The following REEP1 variants were observed in gnomAD, a reference collection of about 807,000 sequenced individuals.
REEP1 encodes receptor expression-enhancing protein 1.
In REEP1, 22 loss-of-function variants were observed where a neutral mutation model predicts 40.3. That is an observed-to-expected ratio of 0.55 (90% CI 0.39 to 0.78). The LOEUF (loss-of-function observed/expected upper bound fraction) is 0.78, where lower values mean the gene tolerates loss of function less well. Among genes scored for constraint, REEP1 ranks in the 30% least tolerant of loss-of-function variants. The pLI is 0.00. For synonymous variants in REEP1, 116 were observed against 139.2 expected, an observed-to-expected ratio of 0.83 and a Z score of 1.17; for missense variants, 280 against 361.1, an observed-to-expected ratio of 0.78 and a Z score of 1.82.
At chr2:86,229,302 G>T (rs371763135) in intron 6 of REEP1, among the ~76,000 whole-genome samples, 3 of 152,222 alleles carry the variant, frequency 2.0e-5, no homozygotes, top group African/African-American at 7.2e-5. Context: ...GAAGGAGCAT[G>T]CCTTGCTGTG....
chr2:86,271,035 T>C (rs967701750), intron 2 of REEP1, among the ~76,000 whole-genome samples: 16 of 151,458 alleles, frequency 1.1e-4, no homozygotes, highest in South Asian at 2.1e-4. Context: ...CTACTAAAAA[T>C]ATAATAATTA....
chr2:86,249,047 T>A (rs1170021873), intron 5 of REEP1, among the ~76,000 whole-genome samples: 1 of 152,044 alleles, frequency 6.6e-6, no homozygotes, highest in Non-Finnish European at 1.5e-5. Context: ...TCACCTGAGG[T>A]CAGGAGTTCA....
chr2:86,267,920 G>A lies in REEP1; in HGVS notation c.106-3879C>T, dbSNP rs1246011263. Among the ~76,000 whole-genome samples the A allele has an allele frequency of 2.7e-5, 4 of 149,362 alleles. No homozygotes were observed. In the East Asian group the frequency reaches 5.9e-4, roughly 22 times the overall value. The stretch of plus-strand genomic sequence containing the variant: ...ATAGTCTATTTAAGAAACTGAATCA[G>A]TAATGAAAAAAATCCAACACTCATT... On this transcript the variant is annotated intron_variant, in intron 2 of 8. Transcript: ENST00000538924.
chr2:86,236,953 C>A (rs748826502), intron 5 of REEP1, among the ~76,000 whole-genome samples: 1 of 152,186 alleles, frequency 6.6e-6, no homozygotes, highest in Admixed American at 6.5e-5. Flanking sequence ...CCAGGATGGT[C>A]TCGATCTCCT....
At chr2:86,331,425 T>C (rs915629959) in intron 1 of REEP1, among the ~76,000 whole-genome samples, 1 of 151,074 alleles carries the variant, frequency 6.6e-6, no homozygotes, top group Non-Finnish European at 1.5e-5. Context: ...CAAAGTACTA[T>C]CCAGAGTCCC....
Position 86,263,996 on chromosome 2 carries a change from C to T in REEP1, c.151G>A (p.Ala51Thr). The change falls in exon 3 of 9, where the codon GCA becomes ACA. Residue 51 changes from alanine (A) to threonine (T), a missense_variant. Transcript: ENST00000538924. ...YWIIFALFTT[A>T]ETFTDIFLCW... Reference sequence around the variant, plus strand: ...AGGAAGATGTCTGTGAATGTCTCTGCTGTGGTGAAAAGTGCAAATATAATC... The same window carrying T: ...AGGAAGATGTCTGTGAATGTCTCTGTTGTGGTGAAAAGTGCAAATATAATC... 1 of 1,613,650 alleles carries T rather than the reference C, an allele frequency of 6.2e-7. No homozygotes were observed. Among genetic ancestry groups the T allele is most frequent in the Non-Finnish European group, 8.5e-7 (1 of 1,179,564 alleles).
intron 2 of REEP1, among the ~76,000 whole-genome samples, chr2:86,273,899 T>C (rs1677600544): frequency 1.3e-5 from 2 of 152,168 alleles, no homozygotes. Flanking sequence ...GGAGACCAGT[T>C]CTCCTTATAC....
intron 5 of REEP1, among the ~76,000 whole-genome samples, chr2:86,234,783 C>T (rs1675218809): frequency 1.3e-5 from 2 of 152,212 alleles, no homozygotes; most frequent in Non-Finnish European, 2.9e-5. Flanking sequence ...CAAGGTCTCA[C>T]GTCCTTGGCA....
chr2:86,257,968 T>C (rs1216201953), intron 3 of REEP1, among the ~76,000 whole-genome samples: 1 of 152,144 alleles, frequency 6.6e-6, no homozygotes, highest in Non-Finnish European at 1.5e-5. Flanking sequence ...GAGCACCGGC[T>C]CAGGCCCCCA....
intron 1 of REEP1, among the ~76,000 whole-genome samples, chr2:86,290,591 T>C (rs1009311336): frequency 1.3e-5 from 2 of 152,132 alleles, no homozygotes; most frequent in African/African-American, 4.8e-5. Context: ...TGTCAGAAGG[T>C]CCATGTGTGG....
intron 5 of REEP1, 143 bp downstream of exon 5, chr2:86,251,814 T>G: frequency 1.3e-6 from 1 of 747,184 alleles, no homozygotes; most frequent in Non-Finnish European, 2.4e-6. Flanking sequence ...AGCATTTTTT[T>G]CCATCAGATT....
At chr2:86,287,447 TC>T (rs539704176) in intron 1 of REEP1, among the ~76,000 whole-genome samples, 1 of 152,194 alleles carries the variant, frequency 6.6e-6, no homozygotes, top group South Asian at 2.1e-4. Context: ...TGCACAGTCT[TC>T]CAATTCATGA....
At chr2:86,328,106 C>A (rs1393165757) in intron 1 of REEP1, among the ~76,000 whole-genome samples, 1 of 152,160 alleles carries the variant, frequency 6.6e-6, no homozygotes, top group Non-Finnish European at 1.5e-5. Context: ...CTGGATCCTG[C>A]AACTCCCTCA....
chr2:86,281,642 T>C (rs1486107170), intron 2 of REEP1, among the ~76,000 whole-genome samples: 1 of 151,862 alleles, frequency 6.6e-6, no homozygotes, highest in Non-Finnish European at 1.5e-5. Context: ...AACAAAACTA[T>C]GAAAACAGAT....
intron 1 of REEP1, among the ~76,000 whole-genome samples, chr2:86,310,131 TG>T (rs1340644889): frequency 1.3e-5 from 2 of 152,218 alleles, no homozygotes; most frequent in Admixed American, 6.5e-5. Flanking sequence ...ATAAGGGTCA[TG>T]TCTGTCTTAT....
At chr2:86,276,705 G>T (rs1019818668) in intron 2 of REEP1, among the ~76,000 whole-genome samples, 1 of 152,116 alleles carries the variant, frequency 6.6e-6, no homozygotes, top group Non-Finnish European at 1.5e-5. Context: ...GAATCTAAAG[G>T]TGCAGGAACC....
intron 1 of REEP1, among the ~76,000 whole-genome samples, chr2:86,304,486 AT>A (rs1006445174): frequency 3.6e-4 from 55 of 152,286 alleles, no homozygotes; most frequent in African/African-American, 1.2e-3. Context: ...GAAAAAAGCA[AT>A]GCTTCAATCC....
chr2:86,256,569 T>C (rs1676574474), intron 3 of REEP1, among the ~76,000 whole-genome samples: 1 of 152,036 alleles, frequency 6.6e-6, no homozygotes, highest in Non-Finnish European at 1.5e-5. Context: ...AGCCCAAGCC[T>C]GCCCACCCTG....
chr2:86,310,006 G>C (rs373681980), intron 1 of REEP1, among the ~76,000 whole-genome samples: 1 of 152,092 alleles, frequency 6.6e-6, no homozygotes, highest in African/African-American at 2.4e-5. Context: ...CAAGGCTGCC[G>C]GGGGCCTACC....
Sources: allele counts gnomAD v4.1 joint callset (sites outside exome capture counted in the v4.1 genomes callset), GRCh38; gene constraint gnomAD v4.1.1; transcripts MANE v1.5; gene names NCBI Gene and HGNC (gene_info 2026-07-23, HGNC 2026-07-21).